Variants in CDH26 observed in about 807,000 individuals in gnomAD.
CDH26 encodes the protein cadherin-like protein 26.
A neutral mutation model predicts 90.3 loss-of-function variants in CDH26; 83 were observed. That is an observed-to-expected ratio of 0.92 (90% CI 0.77 to 1.10). The LOEUF (loss-of-function observed/expected upper bound fraction) is 1.10, where lower values mean the gene tolerates loss of function less well. Among genes scored for constraint, CDH26 ranks in the 50% least tolerant of loss-of-function variants. The probability of loss-of-function intolerance (pLI) is 0.00; values close to 1 mark genes in which losing one functional copy is unlikely to be tolerated. For missense variants in CDH26, 1,013 were observed against 1,037.6 expected, an observed-to-expected ratio of 0.98 and a Z score of 0.33; for synonymous variants, 397 against 396.3, an observed-to-expected ratio of 1.00 and a Z score of -0.02.
At chr20:59,967,953 T>TTCTC (rs2061190934) in intron 1 of CDH26, among the ~76,000 whole-genome samples, 1 of 80,096 alleles carries the variant, frequency 1.2e-5, no homozygotes, top group African/African-American at 7.7e-5. Flanking sequence ...CTTTCTTTCT[T>TTCTC]TCTATCTTTC....
chr20:59,981,866 C>T (rs2061398701), intron 4 of CDH26, among the ~76,000 whole-genome samples: 1 of 151,986 alleles, frequency 6.6e-6, no homozygotes, highest in East Asian at 1.9e-4. Flanking sequence ...TAGAATTTAT[C>T]ATTGAAGTCA....
At position 59,987,453 on chromosome 20, in the gene CDH26, T is replaced by C; in HGVS notation, c.838T>C (p.Tyr280His). 6.2e-7 allele frequency: 1 copy of C among 1,608,452 alleles called. No homozygotes were observed. Among genetic ancestry groups the C allele is most frequent in the East Asian group, 2.2e-5 (1 of 44,634 alleles). ...NHRPAFTQEN[Y>H]KVQIPEGRAS... ...TGGACATGATGATTGCTTCTTTCAG[T>C]ATAAGGTTCAGATTCCTGAAGGCCG... Residue 280 changes from tyrosine to histidine, a missense_variant and splice_region_variant, in exon 8 of 18, where the codon TAT becomes CAT. Coordinates refer to ENST00000348616, the MANE Select transcript of CDH26 (RefSeq NM_177980.4).
chr20:59,976,196 T>C (rs895350870), intron 4 of CDH26, among the ~76,000 whole-genome samples: 7 of 152,218 alleles, frequency 4.6e-5, no homozygotes, highest in African/African-American at 1.7e-4. Context: ...CCGCAGATCT[T>C]GTGCCTGTAA....
chr20:59,984,806 G>T lies in CDH26; in HGVS notation c.708+1G>T. 6.3e-7 allele frequency: 1 copy of T among 1,597,440 alleles called. No homozygotes were observed. The highest frequency in any genetic ancestry group is 8.5e-7 in the Non-Finnish European group (1 of 1,174,832). On this transcript the variant is annotated splice_donor_variant, in intron 6 of 17. Transcript: ENST00000348616. LOFTEE classifies it high-confidence loss of function. ...ACTCTCTGGCTGCTTAGATTATGAG[G>T]TTATGTGGATTTTATTATTTTTTTT...
chr20:60,023,170 A>G (rs1484544121), intron 7 of CDH26, among the ~76,000 whole-genome samples: 2 of 152,246 alleles, frequency 1.3e-5, no homozygotes, highest in Non-Finnish European at 2.9e-5. Context: ...AGTGTAGTGC[A>G]GGATAGAAGA....
intron 7 of CDH26, among the ~76,000 whole-genome samples, chr20:60,021,891 C>T (rs990251065): frequency 0.015 from 1,337 of 89,638 alleles, 45 homozygotes; most frequent in African/African-American, 0.025. Flanking sequence ...CACACACACA[C>T]ACACACATAT....
chr20:60,027,604 G>C (rs1569071459), intron 7 of CDH26, among the ~76,000 whole-genome samples: 1 of 152,128 alleles, frequency 6.6e-6, no homozygotes, highest in Non-Finnish European at 1.5e-5. Context: ...GAAATGCATA[G>C]GTCTTAACTT....
At chr20:60,002,209 C>G (rs1438747971) in intron 15 of CDH26, among the ~76,000 whole-genome samples, 1 of 152,146 alleles carries the variant, frequency 6.6e-6, no homozygotes, top group Admixed American at 6.5e-5. Context: ...CAGGCAGTAT[C>G]TGAGCAAAGA....
chr20:60,034,255 C>A (rs1449091153), downstream of CDH26, among the ~76,000 whole-genome samples: 1 of 152,198 alleles, frequency 6.6e-6, no homozygotes, highest in Non-Finnish European at 1.5e-5. Flanking sequence ...CATAAAGCCA[C>A]ATTGTTCGAA....
intron 7 of CDH26, among the ~76,000 whole-genome samples, chr20:59,986,681 G>A (rs1327921780): frequency 6.7e-6 from 1 of 149,318 alleles, no homozygotes; most frequent in Non-Finnish European, 1.5e-5. Flanking sequence ...GCTCCATCAA[G>A]GACGGAATTT....
intron 7 of CDH26, among the ~76,000 whole-genome samples, chr20:60,029,261 G>A (rs1046470049): frequency 3.3e-5 from 5 of 152,126 alleles, no homozygotes; most frequent in Non-Finnish European, 7.3e-5. Context: ...GCTGCACAAC[G>A]TGGCACCTAT....
chr20:59,978,712 T>C (rs2061355370), intron 4 of CDH26, among the ~76,000 whole-genome samples: 1 of 152,186 alleles, frequency 6.6e-6, no homozygotes, highest in Admixed American at 6.5e-5. Flanking sequence ...ATAGGGCTTC[T>C]TACAAAATTT....
At chr20:60,001,690 T>C (rs954980826) in intron 15 of CDH26, 1 of 883,424 alleles carries the variant, frequency 1.1e-6, no homozygotes, top group Non-Finnish European at 1.4e-6. Context: ...CATTTTCTCA[T>C]GTCCTTCTAA....
rs200853180 is a variant in CDH26 at position 59,969,005 on chromosome 20, T to A, written c.108T>A (p.Asp36Glu). 21 of 1,593,198 alleles carry A rather than the reference T, an allele frequency of 1.3e-5. No homozygotes were observed. The Admixed American group carries it at 1.7e-4, about 13-fold the overall frequency. The change falls in exon 2 of 18, where the codon GAT becomes GAA. Residue 36 changes from aspartate to glutamate, a missense_variant. Asp to Glu is a conservative substitution (Grantham distance 45). Transcript: ENST00000348616. ...ACAGTGTTCAACAGGAAACAGATGA[T>A]CTTACTAAGCAAACAAAGGTGAGGT... ...IIDSVQQETD[D>E]LTKQTKEKIY...
chr20:60,019,783 G>A (rs1248237984), intron 7 of CDH26, among the ~76,000 whole-genome samples: 1 of 152,168 alleles, frequency 6.6e-6, no homozygotes, highest in East Asian at 1.9e-4. Flanking sequence ...TGTGTTTAAT[G>A]TGTCCCTGCA....
At chr20:59,971,714 A>G (rs1359490156) in intron 3 of CDH26, among the ~76,000 whole-genome samples, 1 of 152,182 alleles carries the variant, frequency 6.6e-6, no homozygotes, top group Non-Finnish European at 1.5e-5. Context: ...GTATCATTAT[A>G]TTATTTTTTT....
chr20:59,962,461 C>T (rs2061087761), intron 1 of CDH26, among the ~76,000 whole-genome samples: 1 of 152,190 alleles, frequency 6.6e-6, no homozygotes, highest in East Asian at 1.9e-4. Flanking sequence ...AGCTACGTCA[C>T]TCCAGTCTCT....
At position 59,977,668 on chromosome 20, in the gene CDH26, C is replaced by T. The variant is rs1357649316; in HGVS notation, c.394-5255C>T. ...AGCACAGTTCCCATCCTCCCCTCCC[C>T]CTACCCCCTCCCTTCAGATTCCCCT... On this transcript the variant is annotated intron_variant, in intron 4 of 17. Coordinates refer to ENST00000348616, the MANE Select transcript of CDH26 (RefSeq NM_177980.4). Among the ~76,000 whole-genome samples, 3 of 137,212 alleles carry T rather than the reference C, an allele frequency of 2.2e-5. No individual in the cohort carries two copies. In the East Asian group the frequency reaches 7.5e-4, roughly 34 times the overall value. The allele number at this position is 137,212 out of a possible 152,430, so 90.0% of individuals were successfully genotyped here. A position where few individuals can be genotyped will look rare whatever the true frequency, so the allele number is the denominator to read the frequency against.
chr20:59,967,934 CCTTT>C (rs71183191), intron 1 of CDH26, among the ~76,000 whole-genome samples: 1,193 of 109,766 alleles, frequency 0.011, 16 homozygotes, highest in Middle Eastern at 0.028. Context: ...CTTTCCTTTC[CCTTT>C]CTTTCTTTCT....
Sources: gnomAD v4.1 joint callset for allele counts (sites outside exome capture counted in the v4.1 genomes callset) on GRCh38, gnomAD v4.1.1 for gene constraint, MANE v1.5 for transcripts, NCBI Gene and HGNC (gene_info 2026-07-23, HGNC 2026-07-21) for gene names.